Variants in EGFR observed in about 807,000 individuals in gnomAD.
The protein encoded by EGFR is epidermal growth factor receptor, also known as avian erythroblastic leukemia viral (v-erb-b) oncogene homolog.
EGFR carries 58 observed loss-of-function variants against 143.0 expected under a neutral mutation model. That is an observed-to-expected ratio of 0.41 (90% CI 0.33 to 0.50). The LOEUF is 0.50. Ranked by LOEUF, EGFR falls within the 20% of genes least tolerant of loss-of-function variation. EGFR has a pLI of 0.39. For missense variants in EGFR, 1,307 were observed against 1,579.0 expected (o/e 0.83, Z 2.92); for synonymous variants, 613 against 594.4 (o/e 1.03, Z -0.45).
intron 19 of EGFR, among the ~76,000 whole-genome samples, chr7:55,176,325 C>T (rs1200448444): frequency 3.9e-5 from 6 of 152,054 alleles, no homozygotes; most frequent in African/African-American, 1.4e-4. Flanking sequence ...GAAAAGTGCC[C>T]CCAGGACCTT....
At chr7:55,080,928 G>A (rs2128889753) in intron 1 of EGFR, among the ~76,000 whole-genome samples, 1 of 152,284 alleles carries the variant, frequency 6.6e-6, no homozygotes, top group South Asian at 2.1e-4. Context: ...GGGTGATCTA[G>A]TGACACTAGC....
chr7:55,086,753 G>A (rs1790785119), intron 1 of EGFR, among the ~76,000 whole-genome samples: 1 of 152,220 alleles, frequency 6.6e-6, no homozygotes, highest in African/African-American at 2.4e-5. Context: ...CAGCCCCATG[G>A]GAAAGATGTG....
At chr7:55,135,493 T>C (rs1584125931) in intron 1 of EGFR, among the ~76,000 whole-genome samples, 1 of 152,194 alleles carries the variant, frequency 6.6e-6, no homozygotes, top group East Asian at 1.9e-4. Flanking sequence ...GAACTATTTA[T>C]TAGTTGTGGA....
chr7:55,142,773 C>T (rs1395983461), intron 2 of EGFR, among the ~76,000 whole-genome samples: 1 of 152,094 alleles, frequency 6.6e-6, no homozygotes, highest in African/African-American at 2.4e-5. Flanking sequence ...TTGCCTATTC[C>T]CTTAGTGTAA....
chr7:55,028,670 T>C (rs1249771796), intron 1 of EGFR, among the ~76,000 whole-genome samples: 6 of 152,226 alleles, frequency 3.9e-5, no homozygotes, highest in Non-Finnish European at 5.9e-5. Flanking sequence ...CAAGATAAAC[T>C]AGACAAACTA....
At chr7:55,073,259 G>T (rs2128885060) in intron 1 of EGFR, among the ~76,000 whole-genome samples, 1 of 152,352 alleles carries the variant, frequency 6.6e-6, no homozygotes, top group South Asian at 2.1e-4. Context: ...AAGAGTGTCT[G>T]CTTACCAGCC....
At chr7:55,135,869 CCTT>C (rs1157772371) in intron 1 of EGFR, among the ~76,000 whole-genome samples, 25 of 151,986 alleles carry the variant, frequency 1.6e-4, no homozygotes, top group African/African-American at 5.6e-4. Context: ...CCTTCTTTAG[CCTT>C]CTTTAACACT....
chr7:55,092,666 G>A (rs183147188), intron 1 of EGFR, among the ~76,000 whole-genome samples: 21 of 152,164 alleles, frequency 1.4e-4, no homozygotes, highest in Non-Finnish European at 2.5e-4. Flanking sequence ...TATCTTCTCC[G>A]CCAGATCAAA....
At position 55,173,095 on chromosome 7, in the gene EGFR, A is replaced by G. The variant is rs1167057229; in HGVS notation, c.2032A>G (p.Thr678Ala). ...AAGGCGCCACATCGTTCGGAAGCGC[A>G]CGCTGCGGAGGCTGCTGCAGGAGAG... ...MRRRHIVRKR[T>A]LRRLLQEREL... is the part of the protein sequence containing the mutation. Residue 678 changes from threonine (T) to alanine (A), a missense_variant, in exon 17 of 28, where the codon ACG becomes GCG. Physicochemically the swap from Thr to Ala is moderately conservative, Grantham distance 58. Coordinates refer to ENST00000275493, the MANE Select transcript of EGFR (RefSeq NM_005228.5). 3.1e-6 allele frequency: 5 copies of G among 1,612,422 alleles called. No homozygotes were observed. In the South Asian group the frequency reaches 5.5e-5, roughly 18 times the overall value.
At chr7:55,187,543 A>C (rs2128961914) in intron 20 of EGFR, among the ~76,000 whole-genome samples, 1 of 152,262 alleles carries the variant, frequency 6.6e-6, no homozygotes, top group South Asian at 2.1e-4. Flanking sequence ...ACTTCTGTCT[A>C]GGAATAGGAC....
At position 55,156,720 on chromosome 7, in the gene EGFR, G is replaced by C. The variant is rs761147013; in HGVS notation, c.1134-39G>C. On this transcript the variant is annotated intron_variant, in intron 9 of 27. Transcript: ENST00000275493. ...ACAAAATCTGCCTTTTTAACTGGTA[G>C]AGATTGGTGATCAATAATCACCCTG... 3 of 1,614,222 alleles carry C rather than the reference G, an allele frequency of 1.9e-6. No individual in the cohort carries two copies. In the Admixed American group the frequency reaches 5.0e-5, roughly 27 times the overall value.
intron 1 of EGFR, among the ~76,000 whole-genome samples, chr7:55,110,137 A>ACCTT (rs1792386828): frequency 6.6e-6 from 1 of 152,154 alleles, no homozygotes; most frequent in Non-Finnish European, 1.5e-5. Flanking sequence ...GCTTTTTTTT[A>ACCTT]ATTTAGAAAA....
chr7:55,178,051 C>T (rs185682850), intron 19 of EGFR, among the ~76,000 whole-genome samples: 74 of 152,276 alleles, frequency 4.9e-4, no homozygotes, highest in African/African-American at 1.6e-3. Context: ...GTGGCCGACA[C>T]CCACGCCCCC....
intron 5 of EGFR, chr7:55,152,277 T>A (rs530753985): frequency 3.1e-6 from 2 of 637,212 alleles, no homozygotes; most frequent in South Asian, 3.0e-5. Context: ...GTATGTGCTT[T>A]CTGCATTGCC....
At chr7:55,126,744 A>C (rs1005806809) in intron 1 of EGFR, among the ~76,000 whole-genome samples, 3 of 152,232 alleles carry the variant, frequency 2.0e-5, no homozygotes, top group Non-Finnish European at 4.4e-5. Context: ...TAATAGTTTA[A>C]GTACTGGATA....
intron 24 of EGFR, among the ~76,000 whole-genome samples, chr7:55,200,972 T>G (rs1404953906): frequency 2.0e-5 from 3 of 152,208 alleles, no homozygotes; most frequent in Admixed American, 6.5e-5. Context: ...TGTAGGGGCT[T>G]TCAAGCATCA....
intron 23 of EGFR, 59 bp downstream of exon 23, chr7:55,198,922 C>G (rs929883437): frequency 1.2e-5 from 19 of 1,607,676 alleles, no homozygotes; most frequent in Non-Finnish European, 1.6e-5. Flanking sequence ...CTGCTCTTAG[C>G]CAAACAGCTG....
At chr7:55,020,229 C>T (rs1786464527) in intron 1 of EGFR, among the ~76,000 whole-genome samples, 2 of 152,212 alleles carry the variant, frequency 1.3e-5, no homozygotes, top group Middle Eastern at 3.2e-3. Context: ...TCCCGGGGAC[C>T]CCAGCTCCCT....
intron 11 of EGFR, among the ~76,000 whole-genome samples, chr7:55,159,708 T>G (rs1463756923): frequency 1.3e-5 from 2 of 152,144 alleles, no homozygotes; most frequent in Non-Finnish European, 2.9e-5. Flanking sequence ...TGCACAGAAT[T>G]TGGGACAGAG....
Sources: gnomAD v4.1 joint callset for allele counts (sites outside exome capture counted in the v4.1 genomes callset) on GRCh38, gnomAD v4.1.1 for gene constraint, MANE v1.5 for transcripts, NCBI Gene and HGNC (gene_info 2026-07-23, HGNC 2026-07-21) for gene names.